PRDM16: variants seen among roughly 807,000 people sequenced by gnomAD.
PRDM16 encodes the protein PR/SET domain 16, also known as histone-lysine N-methyltransferase PRDM16.
PRDM16 carries 23 observed loss-of-function variants against 110.6 expected under a neutral mutation model. The ratio of observed to expected loss-of-function variants is 0.21; its 90% CI spans 0.15 to 0.29. PRDM16 has a LOEUF of 0.29. Ranked by LOEUF, PRDM16 falls within the 10% of genes least tolerant of loss-of-function variation. PRDM16 has a pLI of 1.00. For synonymous variants in PRDM16, 799 were observed against 781.8 expected (o/e 1.02, Z -0.37); for missense variants, 1,615 against 1,794.3 (o/e 0.90, Z 1.81).
chr1:3,431,083 G>T lies in PRDM16; in HGVS notation c.3496G>T (p.Ala1166Ser). The change falls in exon 15 of 17, where the codon GCC becomes TCC. Residue 1166 changes from alanine to serine, a missense_variant. Physicochemically the swap from Ala to Ser is moderately conservative, Grantham distance 99 (BLOSUM62 1). This residue lies in a region of PRDM16 where 327 missense variants were observed against 359.3 expected (regional missense o/e 0.91). Coordinates refer to ENST00000270722, the MANE Select transcript of PRDM16 (RefSeq NM_022114.4). ...EEDEEPAASL[A>S]VGFDHTRRCA... ...GGATGAGGAGCCAGCCGCCTCCCTGGCCGTGGGCTTTGACCACACCCGAAG... is the reference window on the plus strand; with the variant it reads ...GGATGAGGAGCCAGCCGCCTCCCTGTCCGTGGGCTTTGACCACACCCGAAG... 1 of 1,551,906 alleles carries T rather than the reference G, an allele frequency of 6.4e-7. No individual in the cohort carries two copies.
rs537187792 is a variant in PRDM16 at position 3,391,286 on chromosome 1, G to A, written c.574-5205G>A. Among the ~76,000 whole-genome samples, 25 of 152,284 alleles carry A rather than the reference G, an allele frequency of 1.6e-4. No individual in the cohort carries two copies. In the East Asian group the frequency reaches 4.8e-3, roughly 29 times the overall value. ...GGTATTTCATAACCAGCTTACAAAA[G>A]ACTCCAAAATACATGCAGGTTGCTT... On this transcript the variant is annotated intron_variant, in intron 4 of 16. Coordinates refer to ENST00000270722, the MANE Select transcript of PRDM16 (RefSeq NM_022114.4).
intron 2 of PRDM16, among the ~76,000 whole-genome samples, chr1:3,194,591 G>A (rs936103095): frequency 6.0e-5 from 9 of 149,248 alleles, no homozygotes; most frequent in South Asian, 2.1e-4. Flanking sequence ...ACACGCCACC[G>A]TCTCCCCACC....
intron 2 of PRDM16, among the ~76,000 whole-genome samples, chr1:3,198,994 G>A (rs900226296): frequency 1.3e-5 from 2 of 152,184 alleles, no homozygotes; most frequent in Non-Finnish European, 2.9e-5. Context: ...CAGCAGCTGA[G>A]ATAAACCCTC....
intron 1 of PRDM16, among the ~76,000 whole-genome samples, chr1:3,161,646 C>T (rs977831312): frequency 3.9e-5 from 6 of 152,228 alleles, no homozygotes; most frequent in African/African-American, 7.2e-5. Flanking sequence ...CCTGCCCGCC[C>T]GGCGCGGAGA....
chr1:3,234,704 C>T (rs901862944), intron 2 of PRDM16, among the ~76,000 whole-genome samples: 3 of 152,230 alleles, frequency 2.0e-5, no homozygotes, highest in African/African-American at 7.2e-5. Flanking sequence ...CCCAGGTGAA[C>T]ATGACCATGT....
intron 3 of PRDM16, among the ~76,000 whole-genome samples, chr1:3,324,442 G>C (rs555867586): frequency 6.6e-5 from 10 of 152,312 alleles, no homozygotes; most frequent in African/African-American, 1.9e-4. Flanking sequence ...TCCTGGCTGG[G>C]CTCAGGGTCC....
At chr1:3,409,184 CGT>C (rs146991767) in intron 8 of PRDM16, among the ~76,000 whole-genome samples, 2,250 of 143,642 alleles carry the variant, frequency 0.016, 26 homozygotes, top group Non-Finnish European at 0.025. Flanking sequence ...TGAGTTGGTG[CGT>C]GTGTGTGTGA....
At chr1:3,072,630 C>G (rs1305699671) in intron 1 of PRDM16, among the ~76,000 whole-genome samples, 1 of 152,154 alleles carries the variant, frequency 6.6e-6, no homozygotes, top group Non-Finnish European at 1.5e-5. Context: ...ACAGGCCAGG[C>G]TGGCTGGGCC....
chr1:3,396,584 G>A lies in PRDM16; in HGVS notation c.667G>A (p.Gly223Ser), dbSNP rs745679180. The A allele has an allele frequency of 1.1e-5, 17 of 1,570,376 alleles. No individual in the cohort carries two copies. The highest frequency in any genetic ancestry group is 2.7e-5 in the African/African-American group (2 of 74,180). Residue 223 changes from glycine to serine, a missense_variant, in exon 5 of 17, where the codon GGC becomes AGC. Physicochemically the swap from Gly to Ser is moderately conservative, Grantham distance 56. This residue lies in a region of PRDM16 where 416 missense variants were observed against 467.1 expected (regional missense o/e 0.89). Transcript: ENST00000270722. ...CTACCCCCTGGGCACAGTGCCGCCC[G>A]GCCTGGACGGTAAGACCCCTCCCCC... is the stretch of plus-strand genomic sequence containing the variant. ...GVYPLGTVPP[G>S]LDEEPTFRCD...
At chr1:3,311,730 A>G (rs1027517660) in intron 3 of PRDM16, among the ~76,000 whole-genome samples, 1 of 152,166 alleles carries the variant, frequency 6.6e-6, no homozygotes, top group Admixed American at 6.5e-5. Context: ...TTTCACACCC[A>G]GGAGAGTGAT....
intron 1 of PRDM16, among the ~76,000 whole-genome samples, chr1:3,119,063 C>T (rs1038780447): frequency 1.2e-4 from 18 of 152,132 alleles, no homozygotes; most frequent in African/African-American, 1.7e-4. Flanking sequence ...AGGTGGGAGA[C>T]GGTATGGCCA....
chr1:3,331,803 C>T (rs989955853), intron 3 of PRDM16, among the ~76,000 whole-genome samples: 5 of 152,172 alleles, frequency 3.3e-5, no homozygotes, highest in African/African-American at 1.2e-4. Flanking sequence ...TAGTAGGCTC[C>T]CCGCTCGGGT....
intron 3 of PRDM16, among the ~76,000 whole-genome samples, chr1:3,276,355 G>A (rs772223226): frequency 6.6e-6 from 1 of 152,158 alleles, no homozygotes; most frequent in Non-Finnish European, 1.5e-5. Context: ...GCCTCTTGAG[G>A]GGCTCTGTGG....
intron 1 of PRDM16, among the ~76,000 whole-genome samples, chr1:3,114,944 C>T (rs1642921780): frequency 6.6e-6 from 1 of 152,276 alleles, no homozygotes; most frequent in Non-Finnish European, 1.5e-5. Flanking sequence ...CACACTTGGC[C>T]AAGGCCTCCT....
Position 3,411,512 on chromosome 1 carries a change from A to G in PRDM16, c.1315A>G (p.Asn439Asp). The G allele has an allele frequency of 1.2e-6, 2 of 1,614,142 alleles. No individual in the cohort carries two copies. The highest frequency in any genetic ancestry group is 1.7e-6 in the Non-Finnish European group (2 of 1,180,026). ...GATGTTCAGCACTACCTCCTCCCTC[A>G]ACAAGCACCGGCGCTTCTGCGAGGG... ...GQMFSTTSSL[N>D]KHRRFCEGKN... The change falls in exon 9 of 17, where the codon AAC (asparagine) becomes GAC (aspartate). Residue 439 changes from asparagine to aspartate, a missense_variant. Physicochemically the swap from Asn to Asp is conservative, Grantham distance 23 (BLOSUM62 1). This residue lies in a region of PRDM16 where 772 missense variants were observed against 748.3 expected (regional missense o/e 1.03). Transcript: ENST00000270722.
Position 3,245,054 on chromosome 1 carries a change from A to G in PRDM16, c.438+917A>G, listed in dbSNP as rs916320656. Among the ~76,000 whole-genome samples the G allele has an allele frequency of 3.9e-5, 6 of 152,120 alleles. No homozygotes were observed. Among genetic ancestry groups the G allele is most frequent in the Non-Finnish European group, 4.4e-5 (3 of 67,968 alleles). On this transcript the variant is annotated intron_variant, in intron 3 of 16. Coordinates refer to ENST00000270722, the MANE Select transcript of PRDM16 (RefSeq NM_022114.4). This position sits in a 1 kb window ranked among gnomAD's most constrained non-coding sequence, Gnocchi z 4.7. ...CACATTTACACATCCCCACCCAGAC[A>G]GCATCGCAGGGGGCGGGGTGGGGCG...
intron 2 of PRDM16, among the ~76,000 whole-genome samples, chr1:3,203,589 G>T (rs80280171): frequency 6.6e-6 from 1 of 151,600 alleles, no homozygotes; most frequent in African/African-American, 2.4e-5. Flanking sequence ...CCCCGGGGGG[G>T]CCAGGGTGTG....
chr1:3,421,639 G>A (rs574713460), intron 12 of PRDM16, among the ~76,000 whole-genome samples: 11 of 152,308 alleles, frequency 7.2e-5, no homozygotes, highest in African/African-American at 1.9e-4. Context: ...CAAATTGAAC[G>A]CACAGCCCTG....
intron 1 of PRDM16, among the ~76,000 whole-genome samples, chr1:3,146,804 T>TGC (rs1306937371): frequency 9.0e-5 from 12 of 133,788 alleles, no homozygotes; most frequent in Middle Eastern, 5.4e-3. Context: ...GGGGTGTGTG[T>TGC]ACGTGTGTGC....
Sources: gnomAD v4.1 joint callset for allele counts (sites outside exome capture counted in the v4.1 genomes callset) on GRCh38, gnomAD v4.1.1 for gene constraint, gnomAD v4.1.1 regional missense constraint, Gnocchi (gnomAD v3.1) non-coding constraint, MANE v1.5 for transcripts, NCBI Gene and HGNC (gene_info 2026-07-23, HGNC 2026-07-21) for gene names.